AUTS2: variants seen among roughly 807,000 people sequenced by gnomAD.
The protein encoded by AUTS2 is autism susceptibility gene 2 protein.
In AUTS2, 17 loss-of-function variants were observed where a neutral mutation model predicts 112.4. That is an observed-to-expected ratio of 0.15 (90% confidence interval 0.10 to 0.23). The LOEUF (loss-of-function observed/expected upper bound fraction) is 0.23. Ranked by LOEUF, AUTS2 falls within the 10% of genes least tolerant of loss-of-function variation. AUTS2 has a pLI of 1.00. For synonymous variants in AUTS2, 751 were observed against 702.7 expected, an observed-to-expected ratio of 1.07 and a Z score of -1.09; for missense variants, 1,510 against 1,701.6, an observed-to-expected ratio of 0.89 and a Z score of 1.98.
chr7:70,351,698 T>C (rs969765473), intron 4 of AUTS2, among the ~76,000 whole-genome samples: 1 of 152,104 alleles, frequency 6.6e-6, no homozygotes, highest in Non-Finnish European at 1.5e-5. Flanking sequence ...TTTCTTTTTC[T>C]TTTTTCTTTT....
At chr7:70,623,716 C>T (rs1274266549) in intron 5 of AUTS2, among the ~76,000 whole-genome samples, 1 of 152,160 alleles carries the variant, frequency 6.6e-6, no homozygotes, top group Non-Finnish European at 1.5e-5. Context: ...CACCAGAGAC[C>T]AGAGAAGGTC....
rs960515867 is a variant in AUTS2 at position 69,971,600 on chromosome 7, C to A, written c.522+72102C>A. On this transcript the variant is annotated intron_variant, in intron 2 of 18. Coordinates refer to ENST00000342771, the MANE Select transcript of AUTS2 (RefSeq NM_015570.4). ...CTCCTGATGGCCTTTGATAGCCATG[C>A]CTCTTTCCTTCTACCTTCACAACCC... is the stretch of plus-strand genomic sequence containing the variant. Among the ~76,000 whole-genome samples the A allele has an allele frequency of 2.6e-5, 4 of 152,250 alleles. No individual in the cohort carries two copies. In the South Asian group the frequency reaches 8.3e-4, roughly 32 times the overall value.
At chr7:70,188,009 G>GT (rs1292443572) in intron 4 of AUTS2, among the ~76,000 whole-genome samples, 1 of 151,964 alleles carries the variant, frequency 6.6e-6, no homozygotes, top group East Asian at 1.9e-4. Context: ...TAAAATTCAG[G>GT]TTTTTATAAA....
intron 4 of AUTS2, among the ~76,000 whole-genome samples, chr7:70,333,990 G>A (rs549292342): frequency 6.6e-6 from 1 of 152,236 alleles, no homozygotes; most frequent in Non-Finnish European, 1.5e-5. Context: ...TGATTTTTGT[G>A]TGTTGATCTT....
chr7:69,778,078 T>G (rs1231569535), intron 1 of AUTS2, among the ~76,000 whole-genome samples: 1 of 152,090 alleles, frequency 6.6e-6, no homozygotes, highest in African/African-American at 2.4e-5. Flanking sequence ...TATTGTGTAA[T>G]TGGAAAGGTA....
intron 1 of AUTS2, among the ~76,000 whole-genome samples, chr7:69,601,728 A>G (rs1419541732): frequency 1.3e-5 from 2 of 152,034 alleles, no homozygotes; most frequent in Non-Finnish European, 2.9e-5. Context: ...AATAATTCCA[A>G]CTGTGGCTTT....
At chr7:70,376,624 T>C (rs1585074698) in intron 4 of AUTS2, among the ~76,000 whole-genome samples, 1 of 151,346 alleles carries the variant, frequency 6.6e-6, no homozygotes, top group African/African-American at 2.4e-5. Flanking sequence ...GGAGCCCTGC[T>C]CTCCTGTGTG....
intron 5 of AUTS2, among the ~76,000 whole-genome samples, chr7:70,614,778 T>G (rs975030424): frequency 6.6e-6 from 1 of 152,194 alleles, no homozygotes; most frequent in Non-Finnish European, 1.5e-5. Context: ...AATCTGTGCT[T>G]ACAGCCTCCC....
At chr7:70,020,810 A>AGTAGCT (rs769039182) in intron 2 of AUTS2, among the ~76,000 whole-genome samples, 11 of 151,962 alleles carry the variant, frequency 7.2e-5, no homozygotes, top group Non-Finnish European at 1.6e-4. Flanking sequence ...TAGCCTCCCA[A>AGTAGCT]GTAGCTAGGA....
intron 2 of AUTS2, among the ~76,000 whole-genome samples, chr7:70,033,957 G>A (rs889965791): frequency 6.6e-6 from 1 of 152,140 alleles, no homozygotes; most frequent in African/African-American, 2.4e-5. Context: ...TAGAAGAGAG[G>A]ATTTTGAATA....
intron 5 of AUTS2, among the ~76,000 whole-genome samples, chr7:70,543,337 A>G (rs1468076145): frequency 6.6e-6 from 1 of 152,036 alleles, no homozygotes; most frequent in Non-Finnish European, 1.5e-5. Flanking sequence ...CCTCGTCTCT[A>G]CTAAAAATAC....
chr7:69,832,217 G>T (rs924055718), intron 1 of AUTS2, among the ~76,000 whole-genome samples: 1 of 152,124 alleles, frequency 6.6e-6, no homozygotes, highest in Non-Finnish European at 1.5e-5. Flanking sequence ...TAAACCTTTT[G>T]TTTCTTTCTT....
At chr7:70,290,469 G>A (rs1438868862) in intron 4 of AUTS2, 1 of 1,538,364 alleles carries the variant, frequency 6.5e-7, no homozygotes, top group Non-Finnish European at 8.8e-7. Flanking sequence ...GTAATAGGGA[G>A]AGTTTCTTTT....
intron 5 of AUTS2, among the ~76,000 whole-genome samples, chr7:70,506,191 G>T (rs1172532930): frequency 1.3e-5 from 2 of 152,178 alleles, no homozygotes; most frequent in Non-Finnish European, 2.9e-5. Context: ...GAAGGTAGAA[G>T]ATTTCCCCAG....
intron 5 of AUTS2, among the ~76,000 whole-genome samples, chr7:70,565,013 G>A (rs185231017): frequency 2.6e-5 from 4 of 152,208 alleles, no homozygotes; most frequent in Admixed American, 6.5e-5. Flanking sequence ...CAGAAGAATC[G>A]CTTGAACCCG....
chr7:69,631,825 G>GT (rs1226226303), intron 1 of AUTS2, among the ~76,000 whole-genome samples: 2 of 152,156 alleles, frequency 1.3e-5, no homozygotes, highest in Non-Finnish European at 2.9e-5. Context: ...TGTGGAAAGT[G>GT]TTTACTTTGT....
At chr7:70,484,970 A>G (rs1370625185) in intron 5 of AUTS2, among the ~76,000 whole-genome samples, 2 of 152,234 alleles carry the variant, frequency 1.3e-5, no homozygotes, top group Admixed American at 6.5e-5. Context: ...ATAATTCAAA[A>G]GTCAAAAAAT....
At chr7:69,801,538 T>C (rs1164801626) in intron 1 of AUTS2, among the ~76,000 whole-genome samples, 1 of 150,924 alleles carries the variant, frequency 6.6e-6, no homozygotes, top group Non-Finnish European at 1.5e-5. Context: ...TATATATATG[T>C]GGTGTATATA....
intron 1 of AUTS2, among the ~76,000 whole-genome samples, chr7:69,713,247 TTC>T (rs1450140405): frequency 6.6e-6 from 1 of 152,148 alleles, no homozygotes; most frequent in African/African-American, 2.4e-5. Flanking sequence ...ACATTGAAAA[TTC>T]TCTGATTTTG....
Sources: gnomAD v4.1 joint callset for allele counts (sites outside exome capture counted in the v4.1 genomes callset) on GRCh38, gnomAD v4.1.1 for gene constraint, MANE v1.5 for transcripts, NCBI Gene and HGNC (gene_info 2026-07-23, HGNC 2026-07-21) for gene names.